Variants in PLCB1 observed in about 807,000 individuals in gnomAD.
PLCB1 encodes 1-phosphatidylinositol 4,5-bisphosphate phosphodiesterase beta-1.
PLCB1 carries 46 observed loss-of-function variants against 161.8 expected under a neutral mutation model. The observed-to-expected ratio is 0.28, with a 90% CI of 0.22 to 0.36. The LOEUF (loss-of-function observed/expected upper bound fraction) is 0.36. PLCB1 is among the 10% of genes least tolerant of loss of function. The probability of loss-of-function intolerance (pLI) is 1.00; values close to 1 mark genes in which losing one functional copy is unlikely to be tolerated. For missense variants in PLCB1, 1,016 were observed against 1,472.5 expected (o/e 0.69, Z 5.07); for synonymous variants, 517 against 503.7 (o/e 1.03, Z -0.35).
chr20:8,281,955 A>G (rs935708753), intron 2 of PLCB1, among the ~76,000 whole-genome samples: 6 of 152,168 alleles, frequency 3.9e-5, no homozygotes, highest in Non-Finnish European at 5.9e-5. Context: ...AACTTTAGAT[A>G]AACTATCATA....
rs190906227 is a variant in PLCB1 at position 8,330,957 on chromosome 20, C to A, written c.178-40425C>A. Among the ~76,000 whole-genome samples, 4 of 152,266 alleles carry A rather than the reference C, an allele frequency of 2.6e-5. No individual in the cohort carries two copies. The East Asian group carries it at 5.8e-4, about 22-fold the overall frequency. On this transcript the variant is annotated intron_variant, in intron 2 of 31. Coordinates refer to ENST00000338037, the MANE Select transcript of PLCB1 (RefSeq NM_015192.4). ...CATTGCACATTTAATATGCACAAAG[C>A]GCTTCTGGTACATATGAGGTTAAAC...
chr20:8,809,024 G>T (rs1456707853), intron 31 of PLCB1, among the ~76,000 whole-genome samples: 1 of 151,978 alleles, frequency 6.6e-6, no homozygotes, highest in Admixed American at 6.6e-5. Flanking sequence ...TTAAGACAGG[G>T]TCTCACTGTG....
At chr20:8,856,259 T>A (rs911963015) in intron 31 of PLCB1, among the ~76,000 whole-genome samples, 5 of 152,142 alleles carry the variant, frequency 3.3e-5, no homozygotes, top group African/African-American at 1.2e-4. Flanking sequence ...AATGGTATCA[T>A]ATGGAGTATC....
At chr20:8,468,010 T>C (rs1334316386) in intron 3 of PLCB1, among the ~76,000 whole-genome samples, 1 of 152,190 alleles carries the variant, frequency 6.6e-6, no homozygotes. Context: ...AAAATGTGGA[T>C]AAATCTCACA....
chr20:8,638,161 T>C (rs779811689), intron 4 of PLCB1, among the ~76,000 whole-genome samples: 1 of 152,220 alleles, frequency 6.6e-6, no homozygotes, highest in Non-Finnish European at 1.5e-5. Context: ...CCCAAAGTGC[T>C]GGGATTACAG....
intron 2 of PLCB1, among the ~76,000 whole-genome samples, chr20:8,369,228 G>A (rs1330963069): frequency 2.6e-5 from 4 of 152,076 alleles, no homozygotes; most frequent in African/African-American, 7.2e-5. Flanking sequence ...AAACTGCAGC[G>A]TGTTTTATGA....
intron 3 of PLCB1, among the ~76,000 whole-genome samples, chr20:8,483,822 C>T (rs1340976457): frequency 6.6e-6 from 1 of 151,784 alleles, no homozygotes; most frequent in Non-Finnish European, 1.5e-5. Flanking sequence ...CATAATGGAT[C>T]GAAGACAATG....
intron 3 of PLCB1, among the ~76,000 whole-genome samples, chr20:8,404,518 C>G (rs1317699507): frequency 1.3e-5 from 2 of 152,144 alleles, no homozygotes; most frequent in African/African-American, 2.4e-5. Context: ...CCCCTTCTTC[C>G]TTTTTTCTCC....
At chr20:8,869,486 T>C (rs1184801469) in intron 31 of PLCB1, among the ~76,000 whole-genome samples, 1 of 152,214 alleles carries the variant, frequency 6.6e-6, no homozygotes, top group Non-Finnish European at 1.5e-5. Flanking sequence ...AATTGTAGTA[T>C]AAGTTGCTTT....
At chr20:8,331,318 C>A (rs953932590) in intron 2 of PLCB1, among the ~76,000 whole-genome samples, 4 of 151,090 alleles carry the variant, frequency 2.6e-5, no homozygotes, top group Non-Finnish European at 5.9e-5. Context: ...AAAATTCACA[C>A]ATTGAAAGAA....
chr20:8,188,750 AT>A (rs2051933704), intron 2 of PLCB1, among the ~76,000 whole-genome samples: 1 of 152,136 alleles, frequency 6.6e-6, no homozygotes, highest in African/African-American at 2.4e-5. Flanking sequence ...TTCTTAGCCA[AT>A]TTTGTTAGGG....
intron 3 of PLCB1, among the ~76,000 whole-genome samples, chr20:8,471,426 T>A (rs1200615957): frequency 6.6e-6 from 1 of 152,180 alleles, no homozygotes; most frequent in Non-Finnish European, 1.5e-5. Context: ...TTAAAGAAAG[T>A]ATATTGCCCT....
chr20:8,187,059 T>C (rs2123101669), intron 2 of PLCB1, among the ~76,000 whole-genome samples: 1 of 152,268 alleles, frequency 6.6e-6, no homozygotes, highest in South Asian at 2.1e-4. Flanking sequence ...AGTACATCTT[T>C]CTAAAGCTTA....
intron 2 of PLCB1, among the ~76,000 whole-genome samples, chr20:8,312,152 CAG>C (rs1041531772): frequency 6.6e-5 from 10 of 152,124 alleles, no homozygotes; most frequent in African/African-American, 2.4e-4. Context: ...CCTTCACTCT[CAG>C]AGAGTTATCC....
At chr20:8,751,308 A>G (rs1981468879) in intron 23 of PLCB1, 1 of 154,166 alleles carries the variant, frequency 6.5e-6, no homozygotes. Flanking sequence ...ATAGCCCAGT[A>G]ATACATATGA....
Position 8,389,924 on chromosome 20 carries a change from G to A in PLCB1, c.246+18474G>A, listed in dbSNP as rs1168782411. 2.0e-5 allele frequency among the ~76,000 whole-genome samples: 3 copies of A among 152,040 alleles called. No homozygotes were observed. In the East Asian group the frequency reaches 5.8e-4, roughly 29 times the overall value. On this transcript the variant is annotated intron_variant, in intron 3 of 31. Transcript: ENST00000338037. ...GTTCAACCAAGTTTCAAAACCATTC[G>A]TCTAAGTAAAAAGAGTACCAGCTTA... is the stretch of plus-strand genomic sequence containing the variant.
At chr20:8,352,953 A>G (rs1225259037) in intron 2 of PLCB1, among the ~76,000 whole-genome samples, 4 of 152,138 alleles carry the variant, frequency 2.6e-5, no homozygotes, top group Admixed American at 1.3e-4. Context: ...GTGTATATAC[A>G]TGGGTTTGTA....
At chr20:8,713,459 A>G (rs1300005684) in intron 12 of PLCB1, among the ~76,000 whole-genome samples, 1 of 152,178 alleles carries the variant, frequency 6.6e-6, no homozygotes, top group African/African-American at 2.4e-5. Flanking sequence ...CTGGGATTAC[A>G]GACGTGAGCC....
At chr20:8,468,934 C>G (rs1981933141) in intron 3 of PLCB1, among the ~76,000 whole-genome samples, 1 of 151,992 alleles carries the variant, frequency 6.6e-6, no homozygotes, top group Non-Finnish European at 1.5e-5. Context: ...TTTATCTTTC[C>G]CTCTTCAAAC....
Sources: gnomAD v4.1 joint callset for allele counts (sites outside exome capture counted in the v4.1 genomes callset) on GRCh38, gnomAD v4.1.1 for gene constraint, MANE v1.5 for transcripts, NCBI Gene and HGNC (gene_info 2026-07-23, HGNC 2026-07-21) for gene names.